The following PPFIBP2 variants were observed in gnomAD, a reference collection of about 807,000 sequenced individuals.
PPFIBP2 encodes the protein PPFIB scaffold protein 2, also known as liprin-beta-2.
PPFIBP2 carries 118 observed loss-of-function variants against 118.3 expected under a neutral mutation model. The observed-to-expected ratio is 1.00, with a 90% CI of 0.86 to 1.16. The LOEUF (loss-of-function observed/expected upper bound fraction) is 1.16. Ranked by LOEUF, PPFIBP2 falls within the 50% of genes most tolerant of loss-of-function variation. The probability of loss-of-function intolerance (pLI) is 0.00; values close to 1 mark genes in which losing one functional copy is unlikely to be tolerated. For missense variants in PPFIBP2, 1,195 were observed against 1,073.1 expected (o/e 1.11, Z -1.59); for synonymous variants, 414 against 397.4 (o/e 1.04, Z -0.50).
rs1271942409 is a variant in PPFIBP2, at chr11:7,593,156, G to A, written c.304G>A (p.Ala102Thr). ...SLSQVNHHSAASNETYQERLA... is the reference protein window; with the variant it reads ...SLSQVNHHSATSNETYQERLA... ...GTCCCAGGTAAACCACCACAGTGCT[G>A]CTAGTAATGAAACCTACCAGGAACG... The change falls in exon 4 of 24, where the codon GCT becomes ACT. Residue 102 changes from alanine to threonine, a missense_variant. Physicochemically the swap from Ala to Thr is moderately conservative, Grantham distance 58 (BLOSUM62 0). Coordinates refer to ENST00000299492, the MANE Select transcript of PPFIBP2 (RefSeq NM_003621.5). 1.9e-6 allele frequency: 3 copies of A among 1,613,836 alleles called. No individual in the cohort carries two copies. The highest frequency in any genetic ancestry group is 2.7e-5 in the African/African-American group (2 of 74,858).
chr11:7,533,633 G>A (rs756669056), intron 1 of PPFIBP2, among the ~76,000 whole-genome samples: 5 of 152,360 alleles, frequency 3.3e-5, no homozygotes, highest in Admixed American at 6.5e-5. Flanking sequence ...TCAGGGATGA[G>A]GGGTAATGGT....
chr11:7,594,010 A>C (rs946747112), intron 4 of PPFIBP2, among the ~76,000 whole-genome samples: 2 of 152,216 alleles, frequency 1.3e-5, no homozygotes, highest in Admixed American at 6.5e-5. Context: ...GCTCCTTAAA[A>C]GCTTAAAGGG....
chr11:7,590,502 AAGG>A (rs1859049800), intron 3 of PPFIBP2, among the ~76,000 whole-genome samples: 1 of 152,176 alleles, frequency 6.6e-6, no homozygotes, highest in Non-Finnish European at 1.5e-5. Context: ...CCTGCTAGGA[AAGG>A]AGTTGGCTCC....
Position 7,649,636 on chromosome 11 carries a change from C to T in PPFIBP2, c.2103C>T (p.His701=). The T allele has an allele frequency of 6.2e-7, 1 of 1,614,244 alleles. No homozygotes were observed. ...HVNKFNPHCL[H]RRPADESNLS... ...ACAAGTTCAACCCCCACTGCCTGCA[C>T]CGGCGGCCAGCTGATGAGGTGAGAC... is the stretch of plus-strand genomic sequence containing the variant. Residue 701 remains histidine (H), a synonymous_variant, in exon 21 of 24, where the codon CAC becomes CAT. Coordinates refer to ENST00000299492, the MANE Select transcript of PPFIBP2 (RefSeq NM_003621.5).
chr11:7,565,248 G>T (rs1854827027), intron 2 of PPFIBP2, among the ~76,000 whole-genome samples: 1 of 152,138 alleles, frequency 6.6e-6, no homozygotes, highest in Non-Finnish European at 1.5e-5. Context: ...TTCAGCTGGG[G>T]TCCAGGTGGC....
At chr11:7,664,969 T>TG in the PPFIBP2 span, 2 of 160,634 alleles carry the variant, frequency 1.2e-5, no homozygotes, top group African/African-American at 4.8e-5. Context: ...TGACCCCACT[T>TG]GGAGTTTTTT....
chr11:7,584,055 T>C (rs1046897236), intron 3 of PPFIBP2, among the ~76,000 whole-genome samples: 1 of 152,240 alleles, frequency 6.6e-6, no homozygotes, highest in African/African-American at 2.4e-5. Flanking sequence ...TACAACTCTT[T>C]ATGATAGTAC....
At chr11:7,636,616 C>A (rs528367261) in intron 14 of PPFIBP2, among the ~76,000 whole-genome samples, 1 of 152,156 alleles carries the variant, frequency 6.6e-6, no homozygotes, top group African/African-American at 2.4e-5. Flanking sequence ...GCAGGTGTTT[C>A]TAAAGCACAC....
chr11:7,515,110 G>A (rs968937700), intron 1 of PPFIBP2, among the ~76,000 whole-genome samples: 1 of 152,188 alleles, frequency 6.6e-6, no homozygotes, highest in Admixed American at 6.5e-5. Context: ...TATTATAGGT[G>A]TATGGAAAGC....
chr11:7,593,256 C>T (rs747654262), intron 4 of PPFIBP2, 32 bp downstream of exon 4: 20 of 1,610,146 alleles, frequency 1.2e-5, no homozygotes, highest in Admixed American at 1.7e-5. Context: ...TCGGCTTATC[C>T]TGTTACCTCC....
At chr11:7,587,094 T>G (rs1302452521) in intron 3 of PPFIBP2, among the ~76,000 whole-genome samples, 1 of 152,224 alleles carries the variant, frequency 6.6e-6, no homozygotes, top group African/African-American at 2.4e-5. Context: ...GCCTGTTGCA[T>G]CTTGTATTCA....
In PPFIBP2 at chr11:7,625,790, A is replaced by G; in HGVS notation, c.725A>G (p.Gln242Arg). ...KLKATKAEVA[Q>R]LQEQVALKDA... ...TTGCTCTTCCAGGCTGAAGTCGCCC[A>G]GCTGCAAGAACAGGTGGCCCTGAAA... The change falls in exon 8 of 24, where the codon CAG becomes CGG. Residue 242 changes from glutamine to arginine, a missense_variant. Transcript: ENST00000299492. 6.2e-7 allele frequency: 1 copy of G among 1,614,210 alleles called. No individual in the cohort carries two copies. Among genetic ancestry groups the G allele is most frequent in the Non-Finnish European group, 8.5e-7 (1 of 1,180,016 alleles).
chr11:7,631,169 T>C (rs920850254), intron 11 of PPFIBP2, 141 bp downstream of exon 11: 39 of 663,008 alleles, frequency 5.9e-5, no homozygotes, highest in East Asian at 1.9e-4. Context: ...CCCCTCAGGC[T>C]GTGATGGGGA....
In PPFIBP2 at chr11:7,579,114, GA is replaced by G. The variant is rs1454692752; in HGVS notation, c.279+13351del. Among the ~76,000 whole-genome samples, 3 of 152,262 alleles carry G rather than the reference GA, an allele frequency of 2.0e-5. No individual in the cohort carries two copies. In the East Asian group the frequency reaches 5.8e-4, roughly 29 times the overall value. ...TGTGGTATATGGTAAGCTATGTTGGGAAAAGTGAGGCAACTGAACACAATTA... is the reference window on the plus strand; with the variant it reads ...TGTGGTATATGGTAAGCTATGTTGGGAAAGTGAGGCAACTGAACACAATTA... On this transcript the variant is annotated intron_variant, in intron 3 of 23. Transcript: ENST00000299492.
chr11:7,580,633 G>A (rs958146030), intron 3 of PPFIBP2, among the ~76,000 whole-genome samples: 1 of 152,170 alleles, frequency 6.6e-6, no homozygotes, highest in Non-Finnish European at 1.5e-5. Context: ...TTAAGAACAT[G>A]GAGTCTGGAG....
chr11:7,634,419 T>C (rs1590721633), intron 12 of PPFIBP2, 76 bp from the exon 13 acceptor site: 2 of 1,202,370 alleles, frequency 1.7e-6, no homozygotes, highest in Non-Finnish European at 2.5e-6. Flanking sequence ...CGGTTAAGCA[T>C]TTGAAATGTC....
At chr11:7,632,804 A>C in intron 11 of PPFIBP2, 63 bp from the exon 12 acceptor site, 1 of 1,316,232 alleles carries the variant, frequency 7.6e-7, no homozygotes, top group Non-Finnish European at 1.1e-6. Flanking sequence ...AAGCAGGGGG[A>C]AAGATGGTGG....
In PPFIBP2 at chr11:7,543,187, G is replaced by T. The variant is rs74966910; in HGVS notation, c.-36-6253G>T. Among the ~76,000 whole-genome samples the T allele has an allele frequency of 4.7e-3, 713 of 152,314 alleles. 11 individuals carry two copies. The highest frequency in any genetic ancestry group is 0.016 in the African/African-American group (677 of 41,570). ...TGGCTTCTTGCTCCACTCTACCAAA[G>T]AGGTTTCTTAGATCCTTTAAAGAGG... is the stretch of plus-strand genomic sequence containing the variant. On this transcript the variant is annotated intron_variant, in intron 1 of 23. Transcript: ENST00000299492.
In PPFIBP2 at chr11:7,625,937, G is replaced by A. The variant is rs1207671684; in HGVS notation, c.826+46G>A. On this transcript the variant is annotated intron_variant, in intron 8 of 23. Transcript: ENST00000299492. ...AAAATGCAGTTGTCTGGGTCCCTGG[G>A]TCTACTCTTATAAGTGAGCATGTGT... 2.7e-6 allele frequency: 4 copies of A among 1,493,436 alleles called. No individual in the cohort carries two copies. The Admixed American group carries it at 5.2e-5, about 19-fold the overall frequency. The allele number at this position is 1,493,436 out of a possible 1,614,324, so 92.5% of individuals were successfully genotyped here.
Sources: gnomAD v4.1 joint callset for allele counts (sites outside exome capture counted in the v4.1 genomes callset) on GRCh38, gnomAD v4.1.1 for gene constraint, MANE v1.5 for transcripts, NCBI Gene and HGNC (gene_info 2026-07-23, HGNC 2026-07-21) for gene names.